C9orf153: variants seen among roughly 807,000 people sequenced by gnomAD.
The protein encoded by C9orf153 is chromosome 9 open reading frame 153, also known as uncharacterized protein C9orf153.
Under a neutral mutation model 9.0 loss-of-function variants are expected in C9orf153, and 10 were observed. That is an observed-to-expected ratio of 1.11 (90% confidence interval 0.69 to 1.89). The LOEUF (loss-of-function observed/expected upper bound fraction) is 1.89, where lower values mean the gene tolerates loss of function less well. Among genes scored for constraint, C9orf153 ranks in the 40% most tolerant of loss-of-function variants. The pLI is 0.00. For missense variants in C9orf153, 108 were observed against 111.0 expected, an observed-to-expected ratio of 0.97 and a Z score of 0.12; for synonymous variants, 35 against 37.3, an observed-to-expected ratio of 0.94 and a Z score of 0.23.
chr9:86,247,720 A>G (rs978457598), intron 1 of C9orf153, among the ~76,000 whole-genome samples: 3 of 152,202 alleles, frequency 2.0e-5, no homozygotes, highest in African/African-American at 7.2e-5. Context: ...AGCTATTTTT[A>G]TCCCAAATGT....
At chr9:86,225,452 TTCTC>T (rs1158239536) in intron 3 of C9orf153, among the ~76,000 whole-genome samples, 2 of 149,776 alleles carry the variant, frequency 1.3e-5, no homozygotes, top group African/African-American at 2.5e-5. Flanking sequence ...CTTCCTCTCT[TTCTC>T]TCTTTCTTTC....
At chr9:86,229,698 G>T in intron 1 of C9orf153, 69 bp from the exon 2 acceptor site, 1 of 861,044 alleles carries the variant, frequency 1.2e-6, no homozygotes, top group African/African-American at 1.7e-5. Flanking sequence ...AAAGGGGGAG[G>T]TGAGACTTCT....
intron 3 of C9orf153, chr9:86,227,442 A>G: frequency 6.9e-7 from 1 of 1,443,224 alleles, no homozygotes; most frequent in Admixed American, 2.5e-5. Context: ...CCTCAGAACT[A>G]CAAAATTGCT....
chr9:86,229,960 A>AG (rs1824433619), intron 1 of C9orf153, among the ~76,000 whole-genome samples: 1 of 152,110 alleles, frequency 6.6e-6, no homozygotes. Context: ...GAAAGAGCAA[A>AG]GGGGGAAGTG....
chr9:86,238,172 C>A (rs1184345926), intron 1 of C9orf153, among the ~76,000 whole-genome samples: 3 of 152,170 alleles, frequency 2.0e-5, no homozygotes, highest in East Asian at 3.9e-4. Flanking sequence ...AATAGAGGGA[C>A]CCACTATTAT....
chr9:86,227,963 A>G lies in C9orf153; in HGVS notation c.134T>C (p.Met45Thr). Reference protein sequence around the residue: ...KESKKSNLLKMHGISLNEAQE... With the variant: ...KESKKSNLLKTHGISLNEAQE... ...TGCTTCGTTAAGTGAAATACCATGC[A>G]TTTTTAGAAGATTTGATTTCTTGCT... is the stretch of plus-strand genomic sequence containing the variant. Residue 45 changes from methionine to threonine, a missense_variant, in exon 3 of 4, where the codon ATG (methionine) becomes ACG (threonine). Physicochemically the swap from Met to Thr is moderately conservative, Grantham distance 81. Coordinates refer to ENST00000339137, the MANE Select transcript of C9orf153 (RefSeq NM_001276366.4). 1 of 1,613,604 alleles carries G rather than the reference A, an allele frequency of 6.2e-7. No individual in the cohort carries two copies. Among genetic ancestry groups the G allele is most frequent in the East Asian group, 2.2e-5 (1 of 44,824 alleles).
intron 1 of C9orf153, among the ~76,000 whole-genome samples, chr9:86,250,728 C>A (rs910246817): frequency 4.8e-5 from 7 of 146,692 alleles, no homozygotes; most frequent in Admixed American, 3.4e-4. Flanking sequence ...TGTTTTTTTA[C>A]GGAGAAACTC....
At chr9:86,236,948 A>C (rs1234712573) in intron 1 of C9orf153, among the ~76,000 whole-genome samples, 1 of 151,594 alleles carries the variant, frequency 6.6e-6, no homozygotes, top group Non-Finnish European at 1.5e-5. Context: ...ATAAAAAAAA[A>C]AAAAAAAACA....
At chr9:86,233,682 G>A (rs1315596387) in intron 1 of C9orf153, among the ~76,000 whole-genome samples, 1 of 149,728 alleles carries the variant, frequency 6.7e-6, no homozygotes, top group East Asian at 1.9e-4. Flanking sequence ...CTCCTAAAGT[G>A]CTGGTATTAC....
intron 1 of C9orf153, among the ~76,000 whole-genome samples, chr9:86,257,199 A>G (rs1206681531): frequency 6.6e-6 from 1 of 152,138 alleles, no homozygotes; most frequent in African/African-American, 2.4e-5. Context: ...CTCTCTACTT[A>G]TATTAATTTT....
In C9orf153 at chr9:86,221,519, ACTTC is replaced by A. The variant is rs939082165; in HGVS notation, c.*165_*168del. 4.4e-6 allele frequency: 6 copies of A among 1,374,160 alleles called. No individual in the cohort carries two copies. The African/African-American group carries it at 8.9e-5, about 20-fold the overall frequency. The allele number at this position is 1,374,160 out of a possible 1,614,324, so 85.1% of individuals were successfully genotyped here. On this transcript the variant is annotated 3_prime_UTR_variant, in exon 4 of 4. Transcript: ENST00000339137. Reference sequence around the variant, plus strand: ...ACTACATATTCCATTTAAGAGAATAACTTCCTTCATTTTGATAATCAATTTGAGG... The same window carrying A: ...ACTACATATTCCATTTAAGAGAATAACTTCATTTTGATAATCAATTTGAGG...
rs1047464570 is a variant in C9orf153 at position 86,221,603 on chromosome 9, C to T, written c.*85G>A. 1.7e-5 allele frequency: 25 copies of T among 1,491,674 alleles called. No homozygotes were observed. The highest frequency in any genetic ancestry group is 2.1e-5 in the Non-Finnish European group (24 of 1,118,450). The allele number at this position is 1,491,674 out of a possible 1,614,324, so 92.4% of individuals were successfully genotyped here. ...GGGGGAAAATAACGTCAGGCATGTC[C>T]TGGCTCTCTACAAATCTCTTCTCAG... On this transcript the variant is annotated 3_prime_UTR_variant, in exon 4 of 4. Coordinates refer to ENST00000339137, the MANE Select transcript of C9orf153 (RefSeq NM_001276366.4).
chr9:86,242,940 A>G (rs948013783), intron 1 of C9orf153, among the ~76,000 whole-genome samples: 9 of 152,198 alleles, frequency 5.9e-5, no homozygotes, highest in African/African-American at 1.9e-4. Flanking sequence ...CAGCCTCCCA[A>G]AGTGTTGGGA....
intron 1 of C9orf153, among the ~76,000 whole-genome samples, chr9:86,250,108 G>A (rs2131203936): frequency 6.6e-6 from 1 of 152,324 alleles, no homozygotes; most frequent in Non-Finnish European, 1.5e-5. Flanking sequence ...AATGGCCTGG[G>A]ACAGAGTATG....
rs763237472 is a variant in C9orf153 at position 86,228,038 on chromosome 9, C to CA, written c.67-9dup. On this transcript the variant is annotated splice_polypyrimidine_tract_variant and intron_variant, in intron 2 of 3. Transcript: ENST00000339137. ...TGCATATAATTCTGGAAGCTGTGGA[C>CA]AAAAAAAAAAGTGGTAAGTCACGAG... 11,970 of 1,211,548 alleles carry CA rather than the reference C, an allele frequency of 9.9e-3. No homozygotes were observed. The highest frequency in any genetic ancestry group is 0.021 in the South Asian group (1,226 of 58,130). 75.0% of individuals were successfully genotyped at this position (1,211,548 alleles called of 1,614,324 possible). A position where few individuals can be genotyped will look rare whatever the true frequency, so the allele number is the denominator to read the frequency against.
chr9:86,250,720 T>TG (rs386415358), intron 1 of C9orf153, among the ~76,000 whole-genome samples: 8 of 34,958 alleles, frequency 2.3e-4, no homozygotes, highest in African/African-American at 1.2e-3. Context: ...TTCTTTGTTG[T>TG]TTTTTTACGG....
intron 1 of C9orf153, among the ~76,000 whole-genome samples, chr9:86,242,914 G>C (rs1824779854): frequency 1.3e-5 from 2 of 152,052 alleles, no homozygotes; most frequent in Non-Finnish European, 2.9e-5. Flanking sequence ...CCTGACCTCA[G>C]GTGATCCACC....
At chr9:86,246,520 C>T (rs1029220332) in intron 1 of C9orf153, among the ~76,000 whole-genome samples, 1 of 152,072 alleles carries the variant, frequency 6.6e-6, no homozygotes, top group Non-Finnish European at 1.5e-5. Context: ...CCGCAAGCAG[C>T]CAATTAAAGC....
chr9:86,228,878 C>G (rs1460751002), intron 2 of C9orf153: 1 of 221,074 alleles, frequency 4.5e-6, no homozygotes, highest in Non-Finnish European at 9.7e-6. Context: ...GAGTCTGCGG[C>G]TACAGAGGCT....
Sources: allele counts gnomAD v4.1 joint callset (sites outside exome capture counted in the v4.1 genomes callset), GRCh38; gene constraint gnomAD v4.1.1; transcripts MANE v1.5; gene names NCBI Gene and HGNC (gene_info 2026-07-23, HGNC 2026-07-21).